Variants in GBP6 observed in about 807,000 individuals in gnomAD.
GBP6 encodes the protein guanylate binding protein family member 6.
In GBP6, 54 loss-of-function variants were observed where a neutral mutation model predicts 61.5. The observed-to-expected ratio is 0.88, with a 90% CI of 0.71 to 1.10. The LOEUF is 1.10. GBP6 is among the 50% of genes least tolerant of loss of function. The pLI is 0.00. For missense variants in GBP6, 748 were observed against 752.8 expected (o/e 0.99, Z 0.07); for synonymous variants, 255 against 273.7 (o/e 0.93, Z 0.67).
Position 89,375,596 on chromosome 1 carries a change from T to C in GBP6, c.319-2507T>C, listed in dbSNP as rs933646753. Among the ~76,000 whole-genome samples, 4 of 105,676 alleles carry C rather than the reference T, an allele frequency of 3.8e-5. No individual in the cohort carries two copies. The Admixed American group carries it at 3.8e-4, about 10-fold the overall frequency. The allele number at this position is 105,676 out of a possible 152,430, so 69.3% of individuals were successfully genotyped here. On this transcript the variant is annotated intron_variant, in intron 3 of 10. Coordinates refer to ENST00000370456, the MANE Select transcript of GBP6 (RefSeq NM_198460.3). The stretch of plus-strand genomic sequence containing the variant: ...GCACCTTTGCTCATTTTTAATGAGG[T>C]ATAAGGATTTTTTTTTGCTATTGAG...
At chr1:89,378,675 C>A in intron 5 of GBP6, 62 bp downstream of exon 5, 1 of 1,267,598 alleles carries the variant, frequency 7.9e-7, no homozygotes, top group South Asian at 1.4e-5. Context: ...TAAACACTGC[C>A]CATCATCTCT....
Position 89,385,305 on chromosome 1 carries a change from C to A in GBP6, c.1738C>A (p.Arg580Ser), listed in dbSNP as rs150334552. The change falls in exon 11 of 11, where the codon CGT becomes AGT. Residue 580 changes from arginine to serine, a missense_variant. By Grantham distance (110) the Arg-to-Ser change is moderately radical. Transcript: ENST00000370456. ...GAATGCAGAGATAAGTCAATTTAAA[C>A]GTATGATTGATACTACAAAAAATGA... ...EMNAEISQFK[R>S]MIDTTKNDDT... The A allele has an allele frequency of 2.5e-6, 4 of 1,613,754 alleles. No homozygotes were observed. The highest frequency in any genetic ancestry group is 2.5e-6 in the Non-Finnish European group (3 of 1,179,828).
At chr1:89,375,831 AAACC>A (rs1390045607) in intron 3 of GBP6, among the ~76,000 whole-genome samples, 1 of 152,176 alleles carries the variant, frequency 6.6e-6, no homozygotes, top group African/African-American at 2.4e-5. Flanking sequence ...ATCATTGCCC[AAACC>A]AATGTCAAGT....
At position 89,385,553 on chromosome 1, in the gene GBP6, T is replaced by C. The variant is rs1203380360; in HGVS notation, c.*84T>C. ...TTTCATTCAGCAAGTTTTTTTTTTT[T>C]TTCAGAGTCTTACTCTGTTGCCCAG... On this transcript the variant is annotated 3_prime_UTR_variant, in exon 11 of 11. Transcript: ENST00000370456. 3.7e-5 allele frequency: 51 copies of C among 1,370,774 alleles called. No homozygotes were observed. Among genetic ancestry groups the C allele is most frequent in the Non-Finnish European group, 4.8e-5 (49 of 1,020,552 alleles). The allele number at this position is 1,370,774 out of a possible 1,614,324, so 84.9% of individuals were successfully genotyped here. A position where few individuals can be genotyped will look rare whatever the true frequency, so the allele number is the denominator to read the frequency against.
intron 1 of GBP6, among the ~76,000 whole-genome samples, chr1:89,364,807 G>C (rs1301044063): frequency 6.0e-5 from 9 of 149,464 alleles, no homozygotes; most frequent in African/African-American, 2.2e-4. Flanking sequence ...AAAAGATGAA[G>C]AATAGACACT....
At chr1:89,384,351 T>C (rs1410112073) in intron 10 of GBP6, 65 bp downstream of exon 10, 2 of 1,334,844 alleles carry the variant, frequency 1.5e-6, no homozygotes, top group East Asian at 4.9e-5. Context: ...GAAGGGCTGG[T>C]GAAGGTTACA....
rs192717886 is a variant in GBP6, at chr1:89,368,664, T to C, written c.113T>C (p.Val38Ala). Residue 38 changes from valine (V) to alanine (A), a missense_variant, in exon 2 of 11, where the codon GTG becomes GCG. By Grantham distance (64) the Val-to-Ala change is moderately conservative (BLOSUM62 0). Coordinates refer to ENST00000370456, the MANE Select transcript of GBP6 (RefSeq NM_198460.3). ...ATTCTTGAAAAGATTTCTCAGCCAG[T>C]GGTGGTGGTGGCCATTGTAGGACTG... is the stretch of plus-strand genomic sequence containing the variant. ...IQILEKISQP[V>A]VVVAIVGLYR... The C allele has an allele frequency of 2.1e-4, 336 of 1,613,656 alleles. 1 individual carries two copies. In the East Asian group the frequency reaches 4.4e-3, roughly 21 times the overall value.
In GBP6 at chr1:89,378,049, A is replaced by G. The variant is rs935484554; in HGVS notation, c.319-54A>G. The stretch of plus-strand genomic sequence containing the variant: ...GAAAGACTGACAAAATAAATGTCTC[A>G]GTGAATTTCTAAAGACTACACTCCT... On this transcript the variant is annotated intron_variant, in intron 3 of 10. Transcript: ENST00000370456. The G allele has an allele frequency of 7.5e-6, 11 of 1,469,388 alleles. No homozygotes were observed. In the African/African-American group the frequency reaches 9.9e-5, roughly 13 times the overall value. The allele number at this position is 1,469,388 out of a possible 1,614,324, so 91.0% of individuals were successfully genotyped here. A position where few individuals can be genotyped will look rare whatever the true frequency, so the allele number is the denominator to read the frequency against.
rs562288070 is a variant in GBP6, at chr1:89,368,805, C to A, written c.190+64C>A. 4 of 1,474,582 alleles carry A rather than the reference C, an allele frequency of 2.7e-6. No homozygotes were observed. The African/African-American group carries it at 5.6e-5, about 20-fold the overall frequency. The allele number at this position is 1,474,582 out of a possible 1,614,324, so 91.3% of individuals were successfully genotyped here. ...CCAGCTATATCTCAGCTTCTTGATT[C>A]TCTACCCCAGAGCACATGAAGGTAG... On this transcript the variant is annotated intron_variant, in intron 2 of 10. Coordinates refer to ENST00000370456, the MANE Select transcript of GBP6 (RefSeq NM_198460.3).
At chr1:89,371,021 C>T (rs1570462036) in intron 3 of GBP6, among the ~76,000 whole-genome samples, 1 of 152,218 alleles carries the variant, frequency 6.6e-6, no homozygotes, top group African/African-American at 2.4e-5. Context: ...CTGGCAACCA[C>T]TATTATACTC....
At chr1:89,383,334 C>A (rs942502966) in intron 8 of GBP6, among the ~76,000 whole-genome samples, 1 of 152,162 alleles carries the variant, frequency 6.6e-6, no homozygotes, top group African/African-American at 2.4e-5. Flanking sequence ...TTAGAGGCAG[C>A]ATTGCACACT....
chr1:89,384,678 C>T (rs192361224), intron 10 of GBP6, among the ~76,000 whole-genome samples: 251 of 152,296 alleles, frequency 1.6e-3, no homozygotes, highest in African/African-American at 5.7e-3. Context: ...CTAGTACCAT[C>T]CAAACACCCT....
chr1:89,375,888 C>CT (rs879617410), intron 3 of GBP6, among the ~76,000 whole-genome samples: 143 of 152,058 alleles, frequency 9.4e-4, no homozygotes, highest in Admixed American at 3.1e-3. Context: ...GGCTTCATAT[C>CT]TTTTTTTTCC....
intron 3 of GBP6, among the ~76,000 whole-genome samples, chr1:89,372,015 C>A (rs1188417217): frequency 5.3e-5 from 8 of 151,518 alleles, no homozygotes; most frequent in Admixed American, 2.0e-4. Context: ...TCTTACACAC[C>A]AATAACAGAC....
chr1:89,376,128 T>C (rs1652802714), intron 3 of GBP6, among the ~76,000 whole-genome samples: 1 of 152,224 alleles, frequency 6.6e-6, no homozygotes, highest in African/African-American at 2.4e-5. Flanking sequence ...AATGACAGGA[T>C]TTCCTTCTTT....
intron 6 of GBP6, among the ~76,000 whole-genome samples, chr1:89,381,065 G>A (rs997545779): frequency 2.0e-5 from 3 of 151,772 alleles, no homozygotes; most frequent in Non-Finnish European, 2.9e-5. Context: ...CACGCAGATC[G>A]CTTGAGCTCA....
At chr1:89,366,049 T>G (rs1652458253) in intron 1 of GBP6, among the ~76,000 whole-genome samples, 1 of 152,206 alleles carries the variant, frequency 6.6e-6, no homozygotes, top group Admixed American at 6.5e-5. Flanking sequence ...AATACTAAAT[T>G]TATGGAATTA....
intron 3 of GBP6, among the ~76,000 whole-genome samples, chr1:89,371,146 C>A (rs1468315905): frequency 2.0e-5 from 3 of 152,116 alleles, no homozygotes; most frequent in Middle Eastern, 3.2e-3. Flanking sequence ...CCTCAGTGTT[C>A]ATCTATGTTG....
chr1:89,387,610 G>A lies in GBP6; in HGVS notation c.*2141G>A, dbSNP rs7535441. Among the ~76,000 whole-genome samples, 852 of 152,164 alleles carry A rather than the reference G, an allele frequency of 5.6e-3. 2 individuals are homozygous for A. Among genetic ancestry groups the A allele is most frequent in the African/African-American group, 0.019 (785 of 41,492 alleles). ...GTGGTAATAAGTTGTTTGAATTTTC[G>A]ACACCAGATTAAGGTCTCTGAGGTG... On this transcript the variant is annotated 3_prime_UTR_variant, in exon 11 of 11. Transcript: ENST00000370456.
Sources: gnomAD v4.1 joint callset for allele counts (sites outside exome capture counted in the v4.1 genomes callset) on GRCh38, gnomAD v4.1.1 for gene constraint, MANE v1.5 for transcripts, NCBI Gene and HGNC (gene_info 2026-07-23, HGNC 2026-07-21) for gene names.